Variants in PNCK observed in about 807,000 individuals in gnomAD.
The protein encoded by PNCK is pregnancy up-regulated nonubiquitous CaM kinase.
A neutral mutation model predicts 28.3 loss-of-function variants in PNCK; 21 were observed. The observed-to-expected ratio is 0.74, with a 90% CI of 0.53 to 1.07. The LOEUF (loss-of-function observed/expected upper bound fraction) is 1.07. PNCK is among the 50% of genes least tolerant of loss of function. The pLI, the probability that PNCK is intolerant of heterozygous loss-of-function variation, is 0.00. For synonymous variants in PNCK, 136 were observed against 125.2 expected (o/e 1.09, Z -0.58); for missense variants, 250 against 298.3 (o/e 0.84, Z 1.19).
At chrX:153,678,345 T>C (rs1180268456), upstream of PNCK, among the ~76,000 whole-genome samples, 1 of 110,963 alleles carries the variant, frequency 9.0e-6, no homozygotes, top group East Asian at 2.8e-4. Context: ...TCCCACCTAC[T>C]CGGGAGGCTG....
upstream of PNCK, among the ~76,000 whole-genome samples, chrX:153,675,681 ACAC>A (rs2091361706): frequency 9.0e-6 from 1 of 110,795 alleles, no homozygotes. Flanking sequence ...GCATGCCACC[ACAC>A]CAAGCTAATT....
upstream of PNCK, among the ~76,000 whole-genome samples, chrX:153,676,862 C>T (rs1846088454): frequency 1.1e-5 from 1 of 89,907 alleles, no homozygotes; most frequent in Non-Finnish European, 2.2e-5. Context: ...GAGACTTCAT[C>T]TCAAAAAAAA....
chrX:153,675,088 C>T (rs1358338785), upstream of PNCK: 1 of 111,140 alleles, frequency 9.0e-6, no homozygotes, highest in African/African-American at 3.3e-5. Flanking sequence ...TTCCTGGGAC[C>T]GACATCTAAA....
At chrX:153,673,224 C>T in intron 1 of PNCK, 146 bp from the exon 2 acceptor site, 1 of 1,198,713 alleles carries the variant, frequency 8.3e-7, no homozygotes, top group Non-Finnish European at 1.1e-6. Context: ...GTCCACACCC[C>T]CAGACGGACG....
intron 1 of PNCK, among the ~76,000 whole-genome samples, chrX:153,685,807 T>C (rs191061176): frequency 2.7e-5 from 3 of 113,203 alleles, no homozygotes; most frequent in African/African-American, 9.6e-5. Flanking sequence ...AGAATGCAGT[T>C]TGGGGTCTGG....
chrX:153,672,685 G>A lies in PNCK; in HGVS notation c.81C>T (p.Ser27=), dbSNP rs1031340378. Residue 27 remains serine, a synonymous_variant, in exon 3 of 12, where the codon TCC becomes TCT. Transcript: ENST00000340888. ...IRERLGSGAF[S]EVVLAQERGS... ...CCCGCTCCTGGGCCAGCACCACCTC[G>A]GAGAAGGCACCCCTGCCGCAGACGG... 1.3e-5 allele frequency: 16 copies of A among 1,198,486 alleles called. No homozygotes were observed. Among genetic ancestry groups the A allele is most frequent in the Admixed American group, 4.4e-5 (2 of 45,662 alleles).
upstream of PNCK, chrX:153,674,579 T>G: frequency 7.5e-6 from 1 of 134,094 alleles, no homozygotes; most frequent in Non-Finnish European, 1.5e-5. Flanking sequence ...CCCCTGCCAA[T>G]TCTCTCCGCA....
At chrX:153,672,272 C>T in intron 3 of PNCK, 72 bp from the exon 4 acceptor site, 1 of 1,037,618 alleles carries the variant, frequency 9.6e-7, no homozygotes, top group Non-Finnish European at 1.3e-6. Context: ...CTGGGGAAAG[C>T]CTCCTCCCTC....
upstream of PNCK, among the ~76,000 whole-genome samples, chrX:153,677,701 T>TATATATATA (rs1557041884): frequency 1.4e-4 from 14 of 98,158 alleles, no homozygotes; most frequent in African/African-American, 5.3e-4. Flanking sequence ...ATATATAGTG[T>TATATATATA]GTGTATATAT....
rs1557040179 is a variant in PNCK at position 153,672,156 on chromosome X, C to G, written c.245G>C (p.Ser82Thr). The G allele has an allele frequency of 8.3e-7, 1 of 1,206,147 alleles. No individual in the cohort carries two copies. The highest frequency in any genetic ancestry group is 2.2e-5 in the Admixed American group (1 of 45,549). ...CATGGCCAGGTAGAGGTGGGAAGGG[C>G]TCTCGTGGACATCCTCCAGAGCGAC... is the stretch of plus-strand genomic sequence containing the variant. ...NIVALEDVHE[S>T]PSHLYLAMEL... The change falls in exon 4 of 12, where the codon AGC becomes ACC. Residue 82 changes from serine to threonine, a missense_variant. By Grantham distance (58) the Ser-to-Thr change is moderately conservative. Coordinates refer to ENST00000340888, the MANE Select transcript of PNCK (RefSeq NM_001366977.1).
chrX:153,671,253 G>C (rs1557039703), intron 7 of PNCK, 32 bp downstream of exon 7: 1 of 1,208,717 alleles, frequency 8.3e-7, no homozygotes, highest in South Asian at 1.8e-5. Flanking sequence ...GGGCAGGCAG[G>C]CAGGAGACAA....
At chrX:153,685,240 G>A (rs2091413790) in intron 1 of PNCK, among the ~76,000 whole-genome samples, 1 of 111,062 alleles carries the variant, frequency 9.0e-6, no homozygotes, top group Admixed American at 9.4e-5. Context: ...GACGCGCCTT[G>A]ACAAAGCCCG....
At chrX:153,681,600 G>A (rs1159253360) in intron 1 of PNCK, among the ~76,000 whole-genome samples, 1 of 111,336 alleles carries the variant, frequency 9.0e-6, no homozygotes, top group Non-Finnish European at 1.9e-5. Flanking sequence ...AGCCTCAGGA[G>A]ACAGGATGAC....
intron 1 of PNCK, among the ~76,000 whole-genome samples, chrX:153,685,588 G>A (rs2091415476): frequency 8.9e-6 from 1 of 112,663 alleles, no homozygotes; most frequent in Admixed American, 9.3e-5. Flanking sequence ...AGCAGAGAAA[G>A]GGAAGCCCAG....
At chrX:153,679,120 A>T (rs1231820092), upstream of PNCK, among the ~76,000 whole-genome samples, 1 of 111,668 alleles carries the variant, frequency 9.0e-6, no homozygotes, top group African/African-American at 3.3e-5. Context: ...TCTTTAAGGA[A>T]AAAAAGGCTG....
chrX:153,677,577 ATATATAGTG>A (rs1557041794), upstream of PNCK, among the ~76,000 whole-genome samples: 7 of 101,087 alleles, frequency 6.9e-5, no homozygotes, highest in African/African-American at 2.7e-4. Context: ...TATAGTGTGT[ATATATAGTG>A]TATATATATA....
intron 7 of PNCK, 44 bp from the exon 8 acceptor site, chrX:153,671,234 A>C: frequency 8.3e-7 from 1 of 1,209,355 alleles, no homozygotes; most frequent in South Asian, 1.8e-5. Flanking sequence ...ACCCTCCCCA[A>C]CCCAGCAGGG....
At chrX:153,684,956 C>A (rs1423509614) in intron 1 of PNCK, among the ~76,000 whole-genome samples, 1 of 101,865 alleles carries the variant, frequency 9.8e-6, no homozygotes, top group Non-Finnish European at 2.0e-5. Context: ...CAGCTCTCCC[C>A]CCGCCCCTCC....
intron 1 of PNCK, among the ~76,000 whole-genome samples, chrX:153,681,350 CT>C (rs2091395013): frequency 9.0e-6 from 1 of 111,680 alleles, no homozygotes; most frequent in Admixed American, 9.5e-5. Flanking sequence ...GGAACAGTCA[CT>C]TCCCAGTGGA....
Sources: gnomAD v4.1 joint callset for allele counts (sites outside exome capture counted in the v4.1 genomes callset) on GRCh38, gnomAD v4.1.1 for gene constraint, MANE v1.5 for transcripts, NCBI Gene and HGNC (gene_info 2026-07-23, HGNC 2026-07-21) for gene names.